The following SMIM10L1 variants were observed in gnomAD, a reference collection of about 807,000 sequenced individuals.
The protein encoded by SMIM10L1 is small integral membrane protein 10-like protein 1.
Under a neutral mutation model 4.5 loss-of-function variants are expected in SMIM10L1, and 6 were observed. The observed-to-expected ratio is 1.33, with a 90% CI of 0.73 to 2.62. The LOEUF (loss-of-function observed/expected upper bound fraction) is 2.62. Ranked by LOEUF, SMIM10L1 falls within the 30% of genes most tolerant of loss-of-function variation. The probability of loss-of-function intolerance (pLI) is 0.00; values close to 1 mark genes in which losing one functional copy is unlikely to be tolerated. For synonymous variants in SMIM10L1, 49 were observed against 42.2 expected (o/e 1.16, Z -0.63); for missense variants, 66 against 86.2 (o/e 0.77, Z 0.93).
In SMIM10L1 at chr12:11,174,192, A is replaced by AT. The variant is rs1175927305; in HGVS notation, c.*2633dup. ...TGAAATTCCCAGGAGACAAAACAAGATTTTGACCTGAATAAACCACTTATT... is the reference window on the plus strand; with the variant it reads ...TGAAATTCCCAGGAGACAAAACAAGATTTTTGACCTGAATAAACCACTTATT... On this transcript the variant is annotated 3_prime_UTR_variant, in exon 1 of 1. Coordinates refer to ENST00000622602, the MANE Select transcript of SMIM10L1 (RefSeq NM_001271592.2). 3.3e-5 allele frequency: 5 copies of AT among 152,048 alleles called. No individual in the cohort carries two copies. The highest frequency in any genetic ancestry group is 1.9e-4 in the East Asian group (1 of 5,196). The allele number at this position is 152,048 out of a possible 1,614,324, so 9.4% of individuals were successfully genotyped here.
Position 11,171,710 on chromosome 12 carries a change from C to T in SMIM10L1, c.*147C>T. Reference sequence around the variant, plus strand: ...TCGTGGCTGCCCTCTTAGCTGCTAGCGGAGCTCCTCAGGGGGCGGCCGGGA... The same window carrying T: ...TCGTGGCTGCCCTCTTAGCTGCTAGTGGAGCTCCTCAGGGGGCGGCCGGGA... On this transcript the variant is annotated 3_prime_UTR_variant, in exon 1 of 1. Transcript: ENST00000622602. The T allele has an allele frequency of 1.9e-6, 1 of 513,152 alleles. No individual in the cohort carries two copies. The allele number at this position is 513,152 out of a possible 1,614,324, so 31.8% of individuals were successfully genotyped here. A position where few individuals can be genotyped will look rare whatever the true frequency, so the allele number is the denominator to read the frequency against.
At position 11,172,280 on chromosome 12, in the gene SMIM10L1, G is replaced by C. The variant is rs1947872566; in HGVS notation, c.*717G>C. The C allele has an allele frequency of 6.6e-6, 1 of 152,134 alleles. No individual in the cohort carries two copies. The highest frequency in any genetic ancestry group is 6.5e-5 in the Admixed American group (1 of 15,274). The allele number at this position is 152,134 out of a possible 1,614,324, so 9.4% of individuals were successfully genotyped here. On this transcript the variant is annotated 3_prime_UTR_variant, in exon 1 of 1. Coordinates refer to ENST00000622602, the MANE Select transcript of SMIM10L1 (RefSeq NM_001271592.2). ...TAAATAATCGTAAAATACAAATGTT[G>C]TTTATGGTTTTTATTGTTTAAGGGC...
At position 11,171,422 on chromosome 12, in the gene SMIM10L1, C is replaced by G; in HGVS notation, c.66C>G (p.Thr22=). 1 of 1,232,068 alleles carries G rather than the reference C, an allele frequency of 8.1e-7. No homozygotes were observed. Among genetic ancestry groups the G allele is most frequent in the African/African-American group, 1.5e-5 (1 of 64,538 alleles). The allele number at this position is 1,232,068 out of a possible 1,614,324, so 76.3% of individuals were successfully genotyped here. ...VRASSPAATP[T]SYGVFCKGLS... ...CCTCAAGCCCCGCCGCGACACCCAC[C>G]TCGTACGGCGTCTTCTGCAAGGGGC... The change falls in exon 1 of 1, where the codon ACC becomes ACG. Residue 22 remains threonine (T), a synonymous_variant. Transcript: ENST00000622602.
In SMIM10L1 at chr12:11,171,207, A is replaced by G. The variant is rs904264329; in HGVS notation, c.-150A>G. 2 of 433,072 alleles carry G rather than the reference A, an allele frequency of 4.6e-6. No homozygotes were observed. Among genetic ancestry groups the G allele is most frequent in the Non-Finnish European group, 7.7e-6 (2 of 258,726 alleles). 26.8% of individuals were successfully genotyped at this position (433,072 alleles called of 1,614,324 possible). On this transcript the variant is annotated 5_prime_UTR_variant, in exon 1 of 1. Transcript: ENST00000622602. ...AGCGGCGCCCGGGGCTACGCGCCGCACTGCACCGAGCGGCGGCAGCGGCAA... is the reference window on the plus strand; with the variant it reads ...AGCGGCGCCCGGGGCTACGCGCCGCGCTGCACCGAGCGGCGGCAGCGGCAA...
chr12:11,173,348 C>G lies in SMIM10L1; in HGVS notation c.*1785C>G, dbSNP rs916692477. 4 of 152,110 alleles carry G rather than the reference C, an allele frequency of 2.6e-5. No individual in the cohort carries two copies. The highest frequency in any genetic ancestry group is 5.9e-5 in the Non-Finnish European group (4 of 67,992). The allele number at this position is 152,110 out of a possible 1,614,324, so 9.4% of individuals were successfully genotyped here. A position where few individuals can be genotyped will look rare whatever the true frequency, so the allele number is the denominator to read the frequency against. On this transcript the variant is annotated 3_prime_UTR_variant, in exon 1 of 1. Transcript: ENST00000622602. ...AGATACTCTGTGTTTTAAAGCTAAGCTTAGGTGGCGCTTTTTCCATTAAAT... is the reference window on the plus strand; with the variant it reads ...AGATACTCTGTGTTTTAAAGCTAAGGTTAGGTGGCGCTTTTTCCATTAAAT...
rs1033873875 is a variant in SMIM10L1, at chr12:11,175,299, A to T, written c.*3736A>T. On this transcript the variant is annotated 3_prime_UTR_variant, in exon 1 of 1. Coordinates refer to ENST00000622602, the MANE Select transcript of SMIM10L1 (RefSeq NM_001271592.2). ...TGCTACCCAGAGTAGAGATCAGACAATGTTAAATTTTGAAGCCATGTCTGT... is the reference window on the plus strand; with the variant it reads ...TGCTACCCAGAGTAGAGATCAGACATTGTTAAATTTTGAAGCCATGTCTGT... The T allele has an allele frequency of 6.6e-6, 1 of 152,148 alleles. No individual in the cohort carries two copies. Among genetic ancestry groups the T allele is most frequent in the African/African-American group, 2.4e-5 (1 of 41,442 alleles). 9.4% of individuals were successfully genotyped at this position (152,148 alleles called of 1,614,324 possible).
In SMIM10L1 at chr12:11,172,237, T is replaced by G. The variant is rs1947871794; in HGVS notation, c.*674T>G. ...ATCCCATAGTAGCACAAAGCTTGGC[T>G]GTTCAGTGAATAACATTTAAATAAT... On this transcript the variant is annotated 3_prime_UTR_variant, in exon 1 of 1. Transcript: ENST00000622602. The G allele has an allele frequency of 6.6e-6, 1 of 152,242 alleles. No individual in the cohort carries two copies. Among genetic ancestry groups the G allele is most frequent in the African/African-American group, 2.4e-5 (1 of 41,452 alleles). 9.4% of individuals were successfully genotyped at this position (152,242 alleles called of 1,614,324 possible).
chr12:11,172,680 A>G lies in SMIM10L1; in HGVS notation c.*1117A>G. 6.6e-6 allele frequency: 1 copy of G among 152,220 alleles called. No individual in the cohort carries two copies. The highest frequency in any genetic ancestry group is 1.9e-4 in the East Asian group (1 of 5,204). 9.4% of individuals were successfully genotyped at this position (152,220 alleles called of 1,614,324 possible). A position where few individuals can be genotyped will look rare whatever the true frequency, so the allele number is the denominator to read the frequency against. The stretch of plus-strand genomic sequence containing the variant: ...AGCCTAGAGAGCTTTCATTTTCCAA[A>G]GAGTGTGGGGATAAATTAGTGAATG... On this transcript the variant is annotated 3_prime_UTR_variant, in exon 1 of 1. Coordinates refer to ENST00000622602, the MANE Select transcript of SMIM10L1 (RefSeq NM_001271592.2).
Position 11,171,532 on chromosome 12 carries a change from T to C in SMIM10L1, c.176T>C (p.Ile59Thr). Residue 59 changes from isoleucine (I) to threonine (T), a missense_variant, in exon 1 of 1, where the codon ATC becomes ACC. Physicochemically the swap from Ile to Thr is moderately conservative, Grantham distance 89 (BLOSUM62 -1). Transcript: ENST00000622602. ...TACTTCTACGTCGCGGGCTCGGTGA[T>C]CCTCAACATCCGATTGCAGGTACAT... ...FPYFYVAGSV[I>T]LNIRLQVHI is the part of the protein sequence containing the mutation. 1 of 1,232,258 alleles carries C rather than the reference T, an allele frequency of 8.1e-7. No individual in the cohort carries two copies. The highest frequency in any genetic ancestry group is 1.0e-6 in the Non-Finnish European group (1 of 988,078). The allele number at this position is 1,232,258 out of a possible 1,614,324, so 76.3% of individuals were successfully genotyped here.
Position 11,175,509 on chromosome 12 carries a change from G to C in SMIM10L1, c.*3946G>C, listed in dbSNP as rs1002299298. 42 of 152,146 alleles carry C rather than the reference G, an allele frequency of 2.8e-4. No individual in the cohort carries two copies. Among genetic ancestry groups the C allele is most frequent in the African/African-American group, 9.9e-4 (41 of 41,436 alleles). 9.4% of individuals were successfully genotyped at this position (152,146 alleles called of 1,614,324 possible). ...TATAGGGACAAAAGATGAGGGAAAG[G>C]AATATCCTAATACTTGGAAGTTTGA... On this transcript the variant is annotated 3_prime_UTR_variant, in exon 1 of 1. Transcript: ENST00000622602.
rs1353607019 is a variant in SMIM10L1 at position 11,173,756 on chromosome 12, TGAA to T, written c.*2197_*2199del. ...CATCAGTCATTTGTTAAACCGAAGA[TGAA>T]GAAACAGACTTTGTATTTATTACAT... On this transcript the variant is annotated 3_prime_UTR_variant, in exon 1 of 1. Coordinates refer to ENST00000622602, the MANE Select transcript of SMIM10L1 (RefSeq NM_001271592.2). 1 of 152,040 alleles carries T rather than the reference TGAA, an allele frequency of 6.6e-6. No homozygotes were observed. Among genetic ancestry groups the T allele is most frequent in the Non-Finnish European group, 1.5e-5 (1 of 67,974 alleles). 9.4% of individuals were successfully genotyped at this position (152,040 alleles called of 1,614,324 possible).
In SMIM10L1 at chr12:11,174,834, A is replaced by G. The variant is rs939619120; in HGVS notation, c.*3271A>G. The G allele has an allele frequency of 6.6e-6, 1 of 152,582 alleles. No individual in the cohort carries two copies. Among genetic ancestry groups the G allele is most frequent in the Non-Finnish European group, 1.5e-5 (1 of 68,010 alleles). 9.5% of individuals were successfully genotyped at this position (152,582 alleles called of 1,614,324 possible). On this transcript the variant is annotated 3_prime_UTR_variant, in exon 1 of 1. Transcript: ENST00000622602. ...TATACATGAGCTCCGTAATTCTCAC[A>G]TATACCCTGTGAGGAAAACATTTTT... is the stretch of plus-strand genomic sequence containing the variant.
Position 11,175,229 on chromosome 12 carries a change from G to A in SMIM10L1, c.*3666G>A, listed in dbSNP as rs1311528077. ...AGGGATATGGGAGCAAAGGGAGAGA[G>A]AGGAAAGAACGTTGTCCTCAGAATG... On this transcript the variant is annotated 3_prime_UTR_variant, in exon 1 of 1. Coordinates refer to ENST00000622602, the MANE Select transcript of SMIM10L1 (RefSeq NM_001271592.2). 1 of 152,108 alleles carries A rather than the reference G, an allele frequency of 6.6e-6. No individual in the cohort carries two copies. The highest frequency in any genetic ancestry group is 2.4e-5 in the African/African-American group (1 of 41,436). 9.4% of individuals were successfully genotyped at this position (152,108 alleles called of 1,614,324 possible).
In SMIM10L1 at chr12:11,175,214, G is replaced by A. The variant is rs1257565363; in HGVS notation, c.*3651G>A. 2 of 152,088 alleles carry A rather than the reference G, an allele frequency of 1.3e-5. No homozygotes were observed. The highest frequency in any genetic ancestry group is 2.4e-5 in the African/African-American group (1 of 41,438). The allele number at this position is 152,088 out of a possible 1,614,324, so 9.4% of individuals were successfully genotyped here. ...GGGTTGGTGGGATTGAGGGATATGG[G>A]AGCAAAGGGAGAGAGAGGAAAGAAC... On this transcript the variant is annotated 3_prime_UTR_variant, in exon 1 of 1. Coordinates refer to ENST00000622602, the MANE Select transcript of SMIM10L1 (RefSeq NM_001271592.2).
rs1362387367 is a variant in SMIM10L1, at chr12:11,173,165, T to C, written c.*1602T>C. On this transcript the variant is annotated 3_prime_UTR_variant, in exon 1 of 1. Coordinates refer to ENST00000622602, the MANE Select transcript of SMIM10L1 (RefSeq NM_001271592.2). ...GTTGCATTGTTCTATATTCCACTCA[T>C]TGTGTCCAGCAAACAGTGTTCTATG... The C allele has an allele frequency of 1.3e-5, 2 of 152,186 alleles. No individual in the cohort carries two copies. Among genetic ancestry groups the C allele is most frequent in the African/African-American group, 4.8e-5 (2 of 41,446 alleles). 9.4% of individuals were successfully genotyped at this position (152,186 alleles called of 1,614,324 possible).
At position 11,174,450 on chromosome 12, in the gene SMIM10L1, A is replaced by G. The variant is rs1393031044; in HGVS notation, c.*2887A>G. ...TTCGTTCCTGATAATAAGATGATTC[A>G]CTTTATTGCCCATAAATTGGGCTTT... On this transcript the variant is annotated 3_prime_UTR_variant, in exon 1 of 1. Coordinates refer to ENST00000622602, the MANE Select transcript of SMIM10L1 (RefSeq NM_001271592.2). The G allele has an allele frequency of 6.6e-6, 1 of 152,124 alleles. No homozygotes were observed. Among genetic ancestry groups the G allele is most frequent in the Non-Finnish European group, 1.5e-5 (1 of 67,992 alleles). 9.4% of individuals were successfully genotyped at this position (152,124 alleles called of 1,614,324 possible).
rs555882391 is a variant in SMIM10L1, at chr12:11,174,391, C to G, written c.*2828C>G. ...TGAATGGCAATTTTGTTGGTATGCT[C>G]TACATAGTCAGCAGTCAATAAAGGA... On this transcript the variant is annotated 3_prime_UTR_variant, in exon 1 of 1. Coordinates refer to ENST00000622602, the MANE Select transcript of SMIM10L1 (RefSeq NM_001271592.2). 6.6e-6 allele frequency: 1 copy of G among 152,062 alleles called. No individual in the cohort carries two copies. Among genetic ancestry groups the G allele is most frequent in the Non-Finnish European group, 1.5e-5 (1 of 67,984 alleles). The allele number at this position is 152,062 out of a possible 1,614,324, so 9.4% of individuals were successfully genotyped here.
chr12:11,174,472 CT>C lies in SMIM10L1; in HGVS notation c.*2914del, dbSNP rs1265540862. 6.6e-6 allele frequency: 1 copy of C among 151,792 alleles called. No homozygotes were observed. The highest frequency in any genetic ancestry group is 1.5e-5 in the Non-Finnish European group (1 of 67,942). The allele number at this position is 151,792 out of a possible 1,614,324, so 9.4% of individuals were successfully genotyped here. ...TTCACTTTATTGCCCATAAATTGGG[CT>C]TTTTCAGGCCATCATGCACGTTGAT... is the stretch of plus-strand genomic sequence containing the variant. On this transcript the variant is annotated 3_prime_UTR_variant, in exon 1 of 1. Coordinates refer to ENST00000622602, the MANE Select transcript of SMIM10L1 (RefSeq NM_001271592.2).
chr12:11,171,649 G>T lies in SMIM10L1; in HGVS notation c.*86G>T, dbSNP rs879852606. 4 of 967,918 alleles carry T rather than the reference G, an allele frequency of 4.1e-6. No individual in the cohort carries two copies. Among genetic ancestry groups the T allele is most frequent in the Non-Finnish European group, 5.4e-6 (4 of 747,090 alleles). 60.0% of individuals were successfully genotyped at this position (967,918 alleles called of 1,614,324 possible). On this transcript the variant is annotated 3_prime_UTR_variant, in exon 1 of 1. Transcript: ENST00000622602. ...GCGGCGCGGCGGAGCAGCCAATGGC[G>T]AGCCCCACAGTCTCGCGAGAGTGCT... is the stretch of plus-strand genomic sequence containing the variant.
Sources: allele counts gnomAD v4.1 joint callset, GRCh38; gene constraint gnomAD v4.1.1; transcripts MANE v1.5; gene names NCBI Gene and HGNC (gene_info 2026-07-23, HGNC 2026-07-21).